PHACTR2: variants seen among roughly 807,000 people sequenced by gnomAD.
PHACTR2 encodes phosphatase and actin regulator 2.
In PHACTR2, 30 loss-of-function variants were observed where a neutral mutation model predicts 76.0. The observed-to-expected ratio is 0.39, with a 90% CI of 0.30 to 0.54. The LOEUF (loss-of-function observed/expected upper bound fraction) is 0.54, where lower values mean the gene tolerates loss of function less well. PHACTR2 is among the 20% of genes least tolerant of loss of function. The pLI is 0.61. For synonymous variants in PHACTR2, 292 were observed against 292.5 expected (o/e 1.00, Z 0.02); for missense variants, 696 against 781.1 (o/e 0.89, Z 1.30).
In PHACTR2 at chr6:143,597,554, C is replaced by T. The variant is rs993172222; in HGVS notation, c.217+60347C>T. Among the ~76,000 whole-genome samples the T allele has an allele frequency of 1.3e-5, 2 of 152,156 alleles. No individual in the cohort carries two copies. The highest frequency in any genetic ancestry group is 4.8e-5 in the African/African-American group (2 of 41,420). ...TTTGCAGAGTTCAGTTGTAATTTGT[C>T]CTGGACTCTTGGATTCCTCTTCTGC... On this transcript the variant is annotated intron_variant, in intron 1 of 11. Transcript: ENST00000367584. This position sits in a 1 kb window ranked among gnomAD's most constrained non-coding sequence, Gnocchi z 5.7.
chr6:143,777,449 C>A lies in PHACTR2; in HGVS notation c.1645+66C>A. On this transcript the variant is annotated intron_variant, in intron 9 of 12. Coordinates refer to ENST00000440869, the MANE Select transcript of PHACTR2 (RefSeq NM_001100164.2). The surrounding 1 kb of genome is among the most constrained non-coding windows in gnomAD (Gnocchi z 4.6). ...CTAACAAGCTGCCTCTACAGATGAT[C>A]GATTTATCAGTAAGAAACCATCATA... The A allele has an allele frequency of 2.6e-6, 2 of 762,516 alleles. No homozygotes were observed. Among genetic ancestry groups the A allele is most frequent in the South Asian group, 3.9e-5 (2 of 51,446 alleles). The allele number at this position is 762,516 out of a possible 1,614,324, so 47.2% of individuals were successfully genotyped here.
rs1775794119 is a variant in PHACTR2, at chr6:143,599,729, T to A, written c.217+62522T>A. Among the ~76,000 whole-genome samples, 1 of 152,094 alleles carries A rather than the reference T, an allele frequency of 6.6e-6. No individual in the cohort carries two copies. Among genetic ancestry groups the A allele is most frequent in the Admixed American group, 6.5e-5 (1 of 15,278 alleles). The stretch of plus-strand genomic sequence containing the variant: ...CTCATTAAGATCCAACCTATACCTT[T>A]CCCCCTTTCTATGCTGTATTAAGAC... On this transcript the variant is annotated intron_variant, in intron 1 of 11. Coordinates refer to the PHACTR2 transcript ENST00000367584. This position sits in a 1 kb window ranked among gnomAD's most constrained non-coding sequence, Gnocchi z 4.6.
Position 143,591,099 on chromosome 6 carries a change from GT to G in PHACTR2, c.217+53900del, listed in dbSNP as rs910252552. On this transcript the variant is annotated intron_variant, in intron 1 of 11. Transcript: ENST00000367584. The surrounding 1 kb of genome is among the most constrained non-coding windows in gnomAD (Gnocchi z 6.4). ...AGACAATATTTTGAAATATTAACAG[GT>G]TTTTTTTCTGTAATTCTTTGTGCCT... Among the ~76,000 whole-genome samples, 2 of 151,854 alleles carry G rather than the reference GT, an allele frequency of 1.3e-5. No individual in the cohort carries two copies. Among genetic ancestry groups the G allele is most frequent in the East Asian group, 1.9e-4 (1 of 5,196 alleles).
chr6:143,605,247 T>C (rs890009108), upstream of PHACTR2, among the ~76,000 whole-genome samples: 12 of 152,126 alleles, frequency 7.9e-5, no homozygotes, highest in Admixed American at 7.9e-4. This position sits in a 1 kb window ranked among gnomAD's most constrained non-coding sequence, Gnocchi z 5.0. Context: ...TGTCGAACTC[T>C]AGGCAAGCTG....
chr6:143,690,602 A>C (rs1777622188), intron 1 of PHACTR2, among the ~76,000 whole-genome samples: 1 of 152,226 alleles, frequency 6.6e-6, no homozygotes, highest in African/African-American at 2.4e-5. Context: ...AAACACTGCC[A>C]TCCCTCCCAA....
chr6:143,789,875 CAAAG>C lies in PHACTR2; in HGVS notation c.1845+966_1845+969del, dbSNP rs1775637447. 6.6e-6 allele frequency among the ~76,000 whole-genome samples: 1 copy of C among 151,978 alleles called. No homozygotes were observed. The highest frequency in any genetic ancestry group is 2.4e-5 in the African/African-American group (1 of 41,362). ...TGAAAAGTAAGAAGGAATAAGATCA[CAAAG>C]GAAGAATGTTCAGAACAAGAATAGA... On this transcript the variant is annotated intron_variant, in intron 11 of 12. Transcript: ENST00000440869. This position sits in a 1 kb window ranked among gnomAD's most constrained non-coding sequence, Gnocchi z 5.1.
chr6:143,812,208 G>A (rs552412009), intron 12 of PHACTR2, among the ~76,000 whole-genome samples: 6 of 152,192 alleles, frequency 3.9e-5, no homozygotes, highest in Middle Eastern at 6.8e-3. Flanking sequence ...CTCTATCTCC[G>A]GAGAGAGACA....
At position 143,761,172 on chromosome 6, in the gene PHACTR2, A is replaced by T. The variant is rs1347168212; in HGVS notation, c.694+532A>T. ...ATGTCACTTGTTTCAGCTCCACCCC[A>T]CCACTTTCTACTGCAGTGAAAACTA... is the stretch of plus-strand genomic sequence containing the variant. On this transcript the variant is annotated intron_variant, in intron 5 of 12. Coordinates refer to ENST00000440869, the MANE Select transcript of PHACTR2 (RefSeq NM_001100164.2). This position sits in a 1 kb window ranked among gnomAD's most constrained non-coding sequence, Gnocchi z 5.2. Among the ~76,000 whole-genome samples, 1 of 152,216 alleles carries T rather than the reference A, an allele frequency of 6.6e-6. No homozygotes were observed. The highest frequency in any genetic ancestry group is 1.5e-5 in the Non-Finnish European group (1 of 68,032).
At position 143,689,928 on chromosome 6, in the gene PHACTR2, A is replaced by G. The variant is rs1777603248; in HGVS notation, c.46+11719A>G. On this transcript the variant is annotated intron_variant, in intron 1 of 12. Coordinates refer to ENST00000440869, the MANE Select transcript of PHACTR2 (RefSeq NM_001100164.2). The surrounding 1 kb of genome is among the most constrained non-coding windows in gnomAD (Gnocchi z 4.4). Reference sequence around the variant, plus strand: ...TGGCAATCTGGTCTTGAACTTCTGAACTCAGGTGATACACCCACCTCAGCT... The same window carrying G: ...TGGCAATCTGGTCTTGAACTTCTGAGCTCAGGTGATACACCCACCTCAGCT... Among the ~76,000 whole-genome samples the G allele has an allele frequency of 6.6e-6, 1 of 151,866 alleles. No homozygotes were observed. The highest frequency in any genetic ancestry group is 2.4e-5 in the African/African-American group (1 of 41,346).
intron 1 of PHACTR2, among the ~76,000 whole-genome samples, chr6:143,660,668 T>C (rs550297083): frequency 6.6e-6 from 1 of 152,302 alleles, no homozygotes; most frequent in East Asian, 1.9e-4. Flanking sequence ...AAATGAAACA[T>C]GGCCTCCAAA....
Position 143,541,198 on chromosome 6 carries a change from CTTAAGT to C in PHACTR2, c.217+3994_217+3999del, listed in dbSNP as rs1781168456. ...CTCATAGTATATGGTCATGTATTCT[CTTAAGT>C]TTTAGACAGATCCTGTTCGGTATTA... On this transcript the variant is annotated intron_variant, in intron 1 of 11. Transcript: ENST00000367584. This position sits in a 1 kb window ranked among gnomAD's most constrained non-coding sequence, Gnocchi z 5.3. 6.6e-6 allele frequency among the ~76,000 whole-genome samples: 1 copy of C among 152,340 alleles called. No individual in the cohort carries two copies. Among genetic ancestry groups the C allele is most frequent in the East Asian group, 1.9e-4 (1 of 5,194 alleles).
In PHACTR2 at chr6:143,595,900, A is replaced by G. The variant is rs923597080; in HGVS notation, c.217+58693A>G. Among the ~76,000 whole-genome samples the G allele has an allele frequency of 1.3e-5, 2 of 152,028 alleles. No homozygotes were observed. Among genetic ancestry groups the G allele is most frequent in the African/African-American group, 4.8e-5 (2 of 41,368 alleles). ...TTTCCTTCTCCCTTCCTGTCTACTG[A>G]GTTGGGTGGGTTATAGGTAGCGTCA... On this transcript the variant is annotated intron_variant, in intron 1 of 11. Transcript: ENST00000367584. This position sits in a 1 kb window ranked among gnomAD's most constrained non-coding sequence, Gnocchi z 4.2.
chr6:143,573,439 A>G (rs11155300), intron 1 of PHACTR2, among the ~76,000 whole-genome samples: 93,240 of 152,050 alleles, frequency 0.61, 28,935 homozygotes, highest in Middle Eastern at 0.72. Context: ...TTTGTCATCC[A>G]TGGGAGCCAG....
rs1234162238 is a variant in PHACTR2, at chr6:143,775,527, T to C, written c.1589+1312T>C. 6.6e-6 allele frequency among the ~76,000 whole-genome samples: 1 copy of C among 152,162 alleles called. No individual in the cohort carries two copies. Among genetic ancestry groups the C allele is most frequent in the Non-Finnish European group, 1.5e-5 (1 of 68,026 alleles). Reference sequence around the variant, plus strand: ...GGCCCAGAGAGATTAAGGAAATGTCTCAAGGACAGACATGCAGTTACTGAG... The same window carrying C: ...GGCCCAGAGAGATTAAGGAAATGTCCCAAGGACAGACATGCAGTTACTGAG... On this transcript the variant is annotated intron_variant, in intron 8 of 12. Coordinates refer to ENST00000440869, the MANE Select transcript of PHACTR2 (RefSeq NM_001100164.2). The surrounding 1 kb of genome is among the most constrained non-coding windows in gnomAD (Gnocchi z 4.4).
chr6:143,765,688 G>T lies in PHACTR2; in HGVS notation c.1122G>T (p.Leu374=), dbSNP rs1403680772. 6.2e-7 allele frequency: 1 copy of T among 1,614,148 alleles called. No homozygotes were observed. The highest frequency in any genetic ancestry group is 1.7e-5 in the Admixed American group (1 of 60,018). The change falls in exon 6 of 13, where the codon CTG becomes CTT. Residue 374 remains leucine, a synonymous_variant. Transcript: ENST00000440869. The surrounding 1 kb of genome is among the most constrained non-coding windows in gnomAD (Gnocchi z 4.1). The part of the protein sequence containing the change: ...PVVLVSVGAD[L]PVSALDPSQL... Reference sequence around the variant, plus strand: ...TCCTCGTCAGCGTTGGAGCTGACCTGCCCGTCTCTGCCTTAGACCCAAGTC... The same window carrying T: ...TCCTCGTCAGCGTTGGAGCTGACCTTCCCGTCTCTGCCTTAGACCCAAGTC...
At chr6:143,703,265 G>T (rs1207200385) in intron 1 of PHACTR2, among the ~76,000 whole-genome samples, 10 of 151,738 alleles carry the variant, frequency 6.6e-5, no homozygotes, top group Non-Finnish European at 1.3e-4. Flanking sequence ...TGATTTGGAA[G>T]AAGCATAAGG....
At chr6:143,643,208 A>G (rs537263736) in intron 1 of PHACTR2, among the ~76,000 whole-genome samples, 8 of 152,266 alleles carry the variant, frequency 5.3e-5, no homozygotes, top group Admixed American at 3.3e-4. Context: ...TGCAAAAAAT[A>G]TTTCATAAAT....
chr6:143,734,577 A>G (rs1348083396), intron 2 of PHACTR2, among the ~76,000 whole-genome samples: 1 of 152,216 alleles, frequency 6.6e-6, no homozygotes, highest in Non-Finnish European at 1.5e-5. Flanking sequence ...CTGATTTCTG[A>G]TTACAAATGA....
rs569374770 is a variant in PHACTR2 at position 143,696,723 on chromosome 6, A to G, written c.47-15293A>G. Among the ~76,000 whole-genome samples, 104 of 152,358 alleles carry G rather than the reference A, an allele frequency of 6.8e-4. No individual in the cohort carries two copies. Among genetic ancestry groups the G allele is most frequent in the Admixed American group, 3.5e-3 (53 of 15,302 alleles). On this transcript the variant is annotated intron_variant, in intron 1 of 12. Coordinates refer to ENST00000440869, the MANE Select transcript of PHACTR2 (RefSeq NM_001100164.2). The surrounding 1 kb of genome is among the most constrained non-coding windows in gnomAD (Gnocchi z 4.1). ...CTATTTTTTAAGCATACGCAAAGTC[A>G]TATCAGGGTGACACATAGCTAAAGA...
Sources: allele counts gnomAD v4.1 joint callset (sites outside exome capture counted in the v4.1 genomes callset), GRCh38; gene constraint gnomAD v4.1.1; non-coding constraint Gnocchi (gnomAD v3.1); transcripts MANE v1.5; gene names NCBI Gene and HGNC (gene_info 2026-07-23, HGNC 2026-07-21).